The following SPOCK3 variants were observed in gnomAD, a reference collection of about 807,000 sequenced individuals.
SPOCK3 encodes testican-3.
Under a neutral mutation model 56.6 loss-of-function variants are expected in SPOCK3, and 30 were observed. The observed-to-expected ratio is 0.53, with a 90% confidence interval of 0.40 to 0.72. The LOEUF is 0.72. Among genes scored for constraint, SPOCK3 ranks in the 30% least tolerant of loss-of-function variants. The pLI is 0.00. For missense variants in SPOCK3, 527 were observed against 530.0 expected, an observed-to-expected ratio of 0.99 and a Z score of 0.06; for synonymous variants, 196 against 183.3, an observed-to-expected ratio of 1.07 and a Z score of -0.56.
chr4:167,144,933 G>C (rs1216421386), intron 2 of SPOCK3, among the ~76,000 whole-genome samples: 2 of 151,660 alleles, frequency 1.3e-5, no homozygotes, highest in Non-Finnish European at 2.9e-5. Flanking sequence ...ATTGTCACAG[G>C]CATCTCAAAA....
chr4:167,190,058 T>C (rs1732344532), intron 2 of SPOCK3, among the ~76,000 whole-genome samples: 1 of 145,638 alleles, frequency 6.9e-6, no homozygotes, highest in Non-Finnish European at 1.5e-5. Context: ...ATTTCATCTA[T>C]TGTGAATAAT....
chr4:166,977,890 A>T (rs1313180022), intron 4 of SPOCK3, among the ~76,000 whole-genome samples: 1 of 152,194 alleles, frequency 6.6e-6, no homozygotes, highest in Admixed American at 6.5e-5. Context: ...CCTCTTGATA[A>T]AACTGCAACT....
intron 6 of SPOCK3, among the ~76,000 whole-genome samples, chr4:166,839,102 G>T (rs1161668094): frequency 1.3e-5 from 2 of 152,048 alleles, no homozygotes; most frequent in African/African-American, 4.8e-5. Flanking sequence ...TAGACATTTG[G>T]GGTACTAATT....
At chr4:166,808,957 T>C (rs188773220) in intron 6 of SPOCK3, among the ~76,000 whole-genome samples, 5 of 152,196 alleles carry the variant, frequency 3.3e-5, no homozygotes, top group Non-Finnish European at 5.9e-5. Flanking sequence ...ATTTCAATGA[T>C]CTTTTAAACA....
At chr4:166,772,103 T>A (rs1405244514) in intron 7 of SPOCK3, among the ~76,000 whole-genome samples, 1 of 152,056 alleles carries the variant, frequency 6.6e-6, no homozygotes, top group Non-Finnish European at 1.5e-5. Flanking sequence ...TATTTTATAG[T>A]CAGTCTTAAA....
intron 2 of SPOCK3, among the ~76,000 whole-genome samples, chr4:167,067,909 T>C (rs891872863): frequency 1.3e-5 from 2 of 151,790 alleles, no homozygotes; most frequent in African/African-American, 4.8e-5. Context: ...TTACATTTTA[T>C]TATGTTAATA....
intron 2 of SPOCK3, among the ~76,000 whole-genome samples, chr4:167,138,029 T>A (rs983231650): frequency 1.3e-5 from 2 of 151,790 alleles, no homozygotes; most frequent in Non-Finnish European, 3.0e-5. Flanking sequence ...TTTATTTTAG[T>A]GTTGGTTTTG....
chr4:167,176,141 T>C (rs559142012), intron 2 of SPOCK3, among the ~76,000 whole-genome samples: 77 of 152,266 alleles, frequency 5.1e-4, no homozygotes, highest in Non-Finnish European at 8.4e-4. Context: ...TCTCTTTATC[T>C]GACTCTGACC....
rs1490104226 is a variant in SPOCK3 at position 166,908,307 on chromosome 4, CACA to C, written c.474+4310_474+4312del. 1.0e-4 allele frequency among the ~76,000 whole-genome samples: 15 copies of C among 145,470 alleles called. 1 individual carries two copies. The highest frequency in any genetic ancestry group is 8.8e-4 in the South Asian group (4 of 4,540). ...ACACACACACACACACACACACACA[CACA>C]CCCCTACCTTTTATTTAAGTATTCA... is the stretch of plus-strand genomic sequence containing the variant. On this transcript the variant is annotated intron_variant, in intron 5 of 10. Transcript: ENST00000357545.
chr4:166,837,620 C>A (rs550521910), intron 6 of SPOCK3, among the ~76,000 whole-genome samples: 2 of 152,274 alleles, frequency 1.3e-5, no homozygotes, highest in Admixed American at 1.3e-4. Flanking sequence ...TGAGATATAA[C>A]GTCGTAAATA....
At chr4:166,863,443 C>T (rs1420831219) in intron 6 of SPOCK3, among the ~76,000 whole-genome samples, 1 of 152,054 alleles carries the variant, frequency 6.6e-6, no homozygotes, top group African/African-American at 2.4e-5. Flanking sequence ...ACAATATTAA[C>T]CTTAAATGTA....
rs77470094 is a variant in SPOCK3 at position 167,226,037 on chromosome 4, G to A, written c.189+7948C>T. On this transcript the variant is annotated intron_variant, in intron 2 of 10. Coordinates refer to ENST00000357545, the MANE Select transcript of SPOCK3 (RefSeq NM_001040159.2). ...AGAAAATATCCTGTTCTTTAACTAA[G>A]AGATGTGAGAAGTAAATTCTGATTC... 8.8e-3 allele frequency among the ~76,000 whole-genome samples: 1,339 copies of A among 152,244 alleles called. 11 individuals are homozygous for A. Among genetic ancestry groups the A allele is most frequent in the Non-Finnish European group, 0.013 (894 of 67,998 alleles).
intron 5 of SPOCK3, among the ~76,000 whole-genome samples, chr4:166,902,698 CACAT>C (rs1420610658): frequency 2.0e-5 from 3 of 151,464 alleles, no homozygotes; most frequent in Non-Finnish European, 2.9e-5. Context: ...CATGTACACT[CACAT>C]ATATATAAGT....
At chr4:166,773,260 A>C (rs2126581545) in intron 7 of SPOCK3, among the ~76,000 whole-genome samples, 1 of 152,338 alleles carries the variant, frequency 6.6e-6, no homozygotes, top group South Asian at 2.1e-4. Flanking sequence ...CATACCGGAA[A>C]ATAAAGGAAA....
intron 2 of SPOCK3, among the ~76,000 whole-genome samples, chr4:167,068,573 A>G (rs1756381744): frequency 6.6e-6 from 1 of 151,844 alleles, no homozygotes; most frequent in South Asian, 2.1e-4. Flanking sequence ...ATTATAATAT[A>G]TGGAATAGGT....
chr4:166,953,604 T>A (rs542964087), intron 4 of SPOCK3, among the ~76,000 whole-genome samples: 3 of 152,260 alleles, frequency 2.0e-5, no homozygotes, highest in Admixed American at 2.0e-4. Context: ...CAAAGGACTA[T>A]AAATCATGCT....
chr4:166,944,810 G>A (rs1420741445), intron 4 of SPOCK3, among the ~76,000 whole-genome samples: 1 of 152,150 alleles, frequency 6.6e-6, no homozygotes, highest in East Asian at 1.9e-4. Flanking sequence ...TCACTCTAAA[G>A]TTATTCATTT....
In SPOCK3 at chr4:167,231,346, C is replaced by A. The variant is rs540909298; in HGVS notation, c.189+2639G>T. On this transcript the variant is annotated intron_variant, in intron 2 of 10. Coordinates refer to ENST00000357545, the MANE Select transcript of SPOCK3 (RefSeq NM_001040159.2). ...AAATAATCATAAGGATTAATCCAAG[C>A]AATAATTATGCTGATGCTTTCCAAG... Among the ~76,000 whole-genome samples, 214 of 151,948 alleles carry A rather than the reference C, an allele frequency of 1.4e-3. 1 individual carries two copies. Among genetic ancestry groups the A allele is most frequent in the African/African-American group, 4.7e-3 (195 of 41,482 alleles).
intron 6 of SPOCK3, among the ~76,000 whole-genome samples, chr4:166,882,302 A>T (rs1579525521): frequency 6.6e-6 from 1 of 152,196 alleles, no homozygotes; most frequent in East Asian, 1.9e-4. Context: ...AAGAGTTCAC[A>T]AATATCAACC....
Sources: allele counts gnomAD v4.1 joint callset (sites outside exome capture counted in the v4.1 genomes callset), GRCh38; gene constraint gnomAD v4.1.1; transcripts MANE v1.5; gene names NCBI Gene and HGNC (gene_info 2026-07-23, HGNC 2026-07-21).